ELP3: variants seen among roughly 807,000 people sequenced by gnomAD.
ELP3 encodes elongator complex protein 3.
A neutral mutation model predicts 74.9 loss-of-function variants in ELP3; 56 were observed. The observed-to-expected ratio is 0.75, with a 90% CI of 0.60 to 0.93. The LOEUF is 0.93. Among genes scored for constraint, ELP3 ranks in the 40% least tolerant of loss-of-function variants. The pLI, the probability that ELP3 is intolerant of heterozygous loss-of-function variation, is 0.00. For missense variants in ELP3, 573 were observed against 686.5 expected, an observed-to-expected ratio of 0.83 and a Z score of 1.85; for synonymous variants, 222 against 239.8, an observed-to-expected ratio of 0.93 and a Z score of 0.68.
intron 10 of ELP3, among the ~76,000 whole-genome samples, chr8:28,145,893 G>A (rs1813413970): frequency 6.6e-6 from 1 of 152,156 alleles, no homozygotes; most frequent in African/African-American, 2.4e-5. Context: ...CAAAGTGCTG[G>A]GATTACAGGC....
chr8:28,139,539 G>A (rs34060633), intron 10 of ELP3, among the ~76,000 whole-genome samples: 106 of 152,254 alleles, frequency 7.0e-4, no homozygotes, highest in Non-Finnish European at 1.3e-3. Context: ...AAAACAGTGG[G>A]TGGTTATTGC....
intron 9 of ELP3, among the ~76,000 whole-genome samples, chr8:28,135,265 A>T (rs1227483163): frequency 6.6e-6 from 1 of 152,208 alleles, no homozygotes; most frequent in Admixed American, 6.6e-5. Context: ...TAGGGGTTTG[A>T]AAAGCCGGAT....
At chr8:28,113,974 T>C (rs971803343) in intron 7 of ELP3, among the ~76,000 whole-genome samples, 1 of 152,156 alleles carries the variant, frequency 6.6e-6, no homozygotes, top group African/African-American at 2.4e-5. Flanking sequence ...TTGACAAAAT[T>C]ATGCATCATT....
intron 3 of ELP3, among the ~76,000 whole-genome samples, chr8:28,105,305 G>A (rs1459777417): frequency 6.6e-6 from 1 of 152,160 alleles, no homozygotes; most frequent in Non-Finnish European, 1.5e-5. Context: ...CAGGAGAATT[G>A]CTTGAACCCA....
At chr8:28,164,909 T>G (rs1428257262) in intron 14 of ELP3, among the ~76,000 whole-genome samples, 1 of 152,170 alleles carries the variant, frequency 6.6e-6, no homozygotes, top group East Asian at 1.9e-4. Context: ...TGTGTTTTAG[T>G]TTTTTGTAAA....
chr8:28,127,959 C>T (rs542190018), intron 7 of ELP3, among the ~76,000 whole-genome samples: 2 of 151,996 alleles, frequency 1.3e-5, no homozygotes, highest in Non-Finnish European at 1.5e-5. Context: ...TAAATAAGTC[C>T]GTTTTTATTG....
upstream of ELP3, chr8:28,092,726 C>G (rs985138047): frequency 5.3e-5 from 12 of 228,166 alleles, no homozygotes; most frequent in South Asian, 4.0e-4. Context: ...CTCTTCCAGG[C>G]CCTCAGTTAG....
rs1813490549 is a variant in ELP3 at position 28,147,854 on chromosome 8, A to T, written c.1101-8088A>T. 6.6e-6 allele frequency among the ~76,000 whole-genome samples: 1 copy of T among 152,196 alleles called. No individual in the cohort carries two copies. The highest frequency in any genetic ancestry group is 2.1e-4 in the South Asian group (1 of 4,832). On this transcript the variant is annotated intron_variant, in intron 10 of 14. Coordinates refer to ENST00000256398, the MANE Select transcript of ELP3 (RefSeq NM_018091.6). This position sits in a 1 kb window ranked among gnomAD's most constrained non-coding sequence, Gnocchi z 4.5. ...TGAACACAGAACATCTTGTCTTTCC[A>T]GAGAGTAAGTAAATAATCAAAGAAT...
At chr8:28,104,029 A>T (rs1392375331) in intron 3 of ELP3, among the ~76,000 whole-genome samples, 4 of 152,314 alleles carry the variant, frequency 2.6e-5, no homozygotes, top group African/African-American at 7.2e-5. Context: ...GTGCCCAGCC[A>T]GTGTTTTGGA....
intron 13 of ELP3, among the ~76,000 whole-genome samples, chr8:28,160,975 A>C (rs1341403003): frequency 1.3e-5 from 2 of 152,302 alleles, no homozygotes; most frequent in East Asian, 3.9e-4. Context: ...GATTACAGGC[A>C]TGAGCTACTG....
intron 9 of ELP3, 34 bp downstream of exon 9, chr8:28,132,438 G>A: frequency 1.2e-6 from 2 of 1,613,372 alleles, no homozygotes; most frequent in Non-Finnish European, 1.7e-6. Flanking sequence ...CATTCAGAAT[G>A]GCTCTGCATG....
At chr8:28,157,706 G>T (rs144683888) in intron 11 of ELP3, among the ~76,000 whole-genome samples, 45 of 152,012 alleles carry the variant, frequency 3.0e-4, no homozygotes, top group Non-Finnish European at 5.3e-4. Flanking sequence ...TCTATGGGGG[G>T]GAAATATACC....
intron 14 of ELP3, among the ~76,000 whole-genome samples, chr8:28,185,148 A>G (rs1815187479): frequency 6.6e-6 from 1 of 152,232 alleles, no homozygotes; most frequent in African/African-American, 2.4e-5. Flanking sequence ...ATAGAAACAT[A>G]AAAAGCCAGA....
chr8:28,121,527 C>T (rs930219303), intron 7 of ELP3, among the ~76,000 whole-genome samples: 7 of 151,868 alleles, frequency 4.6e-5, no homozygotes, highest in African/African-American at 1.7e-4. Context: ...ACCATGTTGG[C>T]CAGGCTGGTC....
chr8:28,102,268 C>G (rs986082385), intron 3 of ELP3, among the ~76,000 whole-genome samples: 4 of 152,178 alleles, frequency 2.6e-5, no homozygotes, highest in African/African-American at 7.2e-5. Context: ...ATAGCATAAC[C>G]AAAACTAATA....
chr8:28,130,752 G>A (rs554652126), intron 8 of ELP3, among the ~76,000 whole-genome samples: 3 of 152,184 alleles, frequency 2.0e-5, no homozygotes, highest in Non-Finnish European at 4.4e-5. Context: ...TTGGTCAGGT[G>A]CAGAAGAGGA....
At chr8:28,126,798 A>T (rs192666762) in intron 7 of ELP3, among the ~76,000 whole-genome samples, 1 of 152,346 alleles carries the variant, frequency 6.6e-6, no homozygotes, top group South Asian at 2.1e-4. Flanking sequence ...AGTTATGTTG[A>T]TATATTTACA....
intron 10 of ELP3, among the ~76,000 whole-genome samples, chr8:28,150,429 A>T (rs1283408608): frequency 6.6e-6 from 1 of 152,108 alleles, no homozygotes; most frequent in Non-Finnish European, 1.5e-5. Context: ...TGTCTGAGAA[A>T]GCCTTTTTCT....
At chr8:28,134,145 C>T (rs1812890821) in intron 9 of ELP3, among the ~76,000 whole-genome samples, 1 of 152,202 alleles carries the variant, frequency 6.6e-6, no homozygotes, top group South Asian at 2.1e-4. Context: ...TGATGTTCCC[C>T]ACCCTGTGTC....
Sources: gnomAD v4.1 joint callset for allele counts (sites outside exome capture counted in the v4.1 genomes callset) on GRCh38, gnomAD v4.1.1 for gene constraint, Gnocchi (gnomAD v3.1) non-coding constraint, MANE v1.5 for transcripts, NCBI Gene and HGNC (gene_info 2026-07-23, HGNC 2026-07-21) for gene names.